COPA: variants seen among roughly 807,000 people sequenced by gnomAD.
The protein encoded by COPA is coatomer subunit alpha.
COPA carries 10 observed loss-of-function variants against 158.7 expected under a neutral mutation model. That is an observed-to-expected ratio of 0.06 (90% CI 0.04 to 0.11). The LOEUF is 0.11. COPA is among the 10% of genes least tolerant of loss of function. COPA has a pLI of 1.00. For missense variants in COPA, 1,065 were observed against 1,536.7 expected (o/e 0.69, Z 5.13); for synonymous variants, 462 against 542.8 (o/e 0.85, Z 2.07).
intron 21 of COPA, among the ~76,000 whole-genome samples, chr1:160,296,514 C>T (rs906243265): frequency 1.3e-5 from 2 of 152,154 alleles, no homozygotes; most frequent in African/African-American, 4.8e-5. Flanking sequence ...ATGGGGGCTG[C>T]CAATGGCCAT....
At chr1:160,308,521 A>G (rs6699059) in intron 13 of COPA, among the ~76,000 whole-genome samples, 125,108 of 152,218 alleles carry the variant, frequency 0.82, 52,261 homozygotes, top group East Asian at 0.99. Flanking sequence ...TGCACCCAAA[A>G]GACCATAGGC....
intron 3 of COPA, chr1:160,339,477 C>T (rs79834157): frequency 0.015 from 2,337 of 156,534 alleles, 71 homozygotes; most frequent in African/African-American, 0.054. Context: ...TCTTCTGCCC[C>T]TTCTCTCACC....
chr1:160,308,120 AAGT>A (rs1658848631), intron 13 of COPA, among the ~76,000 whole-genome samples: 2 of 152,206 alleles, frequency 1.3e-5, no homozygotes, highest in Non-Finnish European at 2.9e-5. Context: ...CAGAAAATAA[AAGT>A]GGTAATAAAA....
In COPA at chr1:160,314,824, G is replaced by A. The variant is rs549193861; in HGVS notation, c.707-699C>T. 8.4e-4 allele frequency among the ~76,000 whole-genome samples: 128 copies of A among 152,018 alleles called. 1 individual carries two copies. The highest frequency in any genetic ancestry group is 5.8e-3 in the South Asian group (28 of 4,806). On this transcript the variant is annotated intron_variant, in intron 8 of 32. Coordinates refer to ENST00000241704, the MANE Select transcript of COPA (RefSeq NM_004371.4). ...AGGGGCCTTATCTGTTTTAGTCACC[G>A]CTGTATCTCCAGAGCCTTAAACAAA...
chr1:160,298,096 G>T (rs1248772491), intron 19 of COPA, among the ~76,000 whole-genome samples: 1 of 151,734 alleles, frequency 6.6e-6, no homozygotes, highest in African/African-American at 2.4e-5. Flanking sequence ...CAGGAGAATC[G>T]CTTGGACCCA....
chr1:160,342,159 G>A (rs912970196), intron 1 of COPA, among the ~76,000 whole-genome samples: 1 of 152,116 alleles, frequency 6.6e-6, no homozygotes, highest in Non-Finnish European at 1.5e-5. Flanking sequence ...TATAAAAGAC[G>A]ATTTTACAGA....
At chr1:160,296,419 G>C (rs78668941) in intron 21 of COPA, among the ~76,000 whole-genome samples, 3,226 of 152,314 alleles carry the variant, frequency 0.021, 53 homozygotes, top group Middle Eastern at 0.044. Context: ...TGCTGTAAGG[G>C]AAACTAGCTA....
chr1:160,312,217 T>G (rs1230694464), intron 10 of COPA, among the ~76,000 whole-genome samples, 199 bp from the exon 11 acceptor site: 3 of 152,218 alleles, frequency 2.0e-5, no homozygotes, highest in Non-Finnish European at 4.4e-5. Flanking sequence ...CTATTCACAC[T>G]GCCACACTTA....
At position 160,292,100 on chromosome 1, in the gene COPA, C is replaced by T; in HGVS notation, c.3059G>A (p.Gly1020Asp). 1 of 1,614,186 alleles carries T rather than the reference C, an allele frequency of 6.2e-7. No homozygotes were observed. Among genetic ancestry groups the T allele is most frequent in the Non-Finnish European group, 8.5e-7 (1 of 1,180,040 alleles). ...TTTTTCCACAGCCTCCTCAAATTTG[C>T]CAACTGTGGTGAGCTGGTAGCACAG... ...LQLCYQLTTV[G>D]KFEEAVEKFR... Residue 1020 changes from glycine (G) to aspartate (D), a missense_variant, in exon 29 of 33, where the codon GGC becomes GAC. By Grantham distance (94) the Gly-to-Asp change is moderately conservative (BLOSUM62 -1). Coordinates refer to ENST00000241704, the MANE Select transcript of COPA (RefSeq NM_004371.4).
rs926437946 is a variant in COPA at position 160,309,094 on chromosome 1, C to G, written c.1219+7G>C. ...AGCAGAGTGGGGTAGACAAAAAGAA[C>G]ACTTACCATCAGGATTCTGGGAGTC... On this transcript the variant is annotated splice_region_variant and intron_variant, in intron 13 of 32. Coordinates refer to ENST00000241704, the MANE Select transcript of COPA (RefSeq NM_004371.4). 1 of 1,611,048 alleles carries G rather than the reference C, an allele frequency of 6.2e-7. No homozygotes were observed. Among genetic ancestry groups the G allele is most frequent in the Admixed American group, 1.7e-5 (1 of 60,000 alleles).
At chr1:160,333,850 C>T (rs1647644101) in intron 4 of COPA, among the ~76,000 whole-genome samples, 171 bp from the exon 5 acceptor site, 1 of 152,226 alleles carries the variant, frequency 6.6e-6, no homozygotes, top group African/African-American at 2.4e-5. Context: ...ACCACTCTAA[C>T]AGCTTTTCTC....
chr1:160,324,972 G>C (rs943635044), intron 7 of COPA, among the ~76,000 whole-genome samples: 6 of 151,946 alleles, frequency 3.9e-5, no homozygotes, highest in Admixed American at 2.0e-4. Flanking sequence ...AAAGCACCTG[G>C]GTTTTGGAGT....
At chr1:160,320,405 T>C (rs1659292677) in intron 8 of COPA, among the ~76,000 whole-genome samples, 2 of 148,836 alleles carry the variant, frequency 1.3e-5, no homozygotes, top group Admixed American at 6.7e-5. Flanking sequence ...AGGTCAGGAG[T>C]TCAAGACCAG....
chr1:160,332,012 C>T (rs908285065), intron 6 of COPA, among the ~76,000 whole-genome samples: 11 of 152,004 alleles, frequency 7.2e-5, no homozygotes, highest in South Asian at 2.1e-4. Flanking sequence ...CCATGCTCCC[C>T]GCACTAGAAG....
chr1:160,321,410 C>G (rs1187535211), intron 8 of COPA, among the ~76,000 whole-genome samples: 1 of 152,178 alleles, frequency 6.6e-6, no homozygotes, highest in Non-Finnish European at 1.5e-5. Context: ...TCACAGATGA[C>G]ATTATCATAT....
intron 13 of COPA, among the ~76,000 whole-genome samples, chr1:160,307,642 T>C (rs2101839178): frequency 6.6e-6 from 1 of 152,284 alleles, no homozygotes; most frequent in South Asian, 2.1e-4. Context: ...CTGCTGCTTT[T>C]AACATGCAAA....
chr1:160,320,075 TA>T (rs1399592524), intron 8 of COPA, among the ~76,000 whole-genome samples: 2 of 151,948 alleles, frequency 1.3e-5, no homozygotes, highest in Admixed American at 1.3e-4. Flanking sequence ...AAATACAGAC[TA>T]TCAATGAAAC....
At chr1:160,307,135 T>C (rs1242314511) in intron 14 of COPA, 28 bp downstream of exon 14, 2 of 1,610,776 alleles carry the variant, frequency 1.2e-6, no homozygotes, top group Non-Finnish European at 8.5e-7. Context: ...ACTCCCCAAA[T>C]TAGTTTCTGC....
chr1:160,313,063 A>G (rs777806968), intron 10 of COPA, 22 bp downstream of exon 10: 4 of 1,604,642 alleles, frequency 2.5e-6, no homozygotes, highest in South Asian at 1.1e-5. Flanking sequence ...AGCAAAGAAA[A>G]AAGAGAGAAA....
Sources: gnomAD v4.1 joint callset for allele counts (sites outside exome capture counted in the v4.1 genomes callset) on GRCh38, gnomAD v4.1.1 for gene constraint, MANE v1.5 for transcripts, NCBI Gene and HGNC (gene_info 2026-07-23, HGNC 2026-07-21) for gene names.